Variants in CPA4 observed in about 807,000 individuals in gnomAD.
CPA4 encodes the protein carboxypeptidase A4, also known as carboxypeptidase A3.
In CPA4, 49 loss-of-function variants were observed where a neutral mutation model predicts 54.7. The observed-to-expected ratio is 0.90, with a 90% CI of 0.71 to 1.14. CPA4 has a LOEUF of 1.14. Ranked by LOEUF, CPA4 falls within the 50% of genes most tolerant of loss-of-function variation. The probability of loss-of-function intolerance (pLI) is 0.00; values close to 1 mark genes in which losing one functional copy is unlikely to be tolerated. For synonymous variants in CPA4, 215 were observed against 206.8 expected (o/e 1.04, Z -0.34); for missense variants, 487 against 525.1 (o/e 0.93, Z 0.71).
intron 1 of CPA4, among the ~76,000 whole-genome samples, chr7:130,295,297 C>A (rs1237308560): frequency 6.6e-6 from 1 of 152,200 alleles, no homozygotes; most frequent in Non-Finnish European, 1.5e-5. Flanking sequence ...TATTGACTGT[C>A]CAAAGCACAG....
In CPA4 at chr7:130,293,257, C is replaced by T; in HGVS notation, c.68+9C>T. On this transcript the variant is annotated intron_variant, in intron 1 of 10. Coordinates refer to ENST00000222482, the MANE Select transcript of CPA4 (RefSeq NM_016352.4). ...CAAGAAAAATTTTTTGGGTAAGTTC[C>T]TTTTGGACTTATTATTTGGTTATTT... is the stretch of plus-strand genomic sequence containing the variant. 6.5e-7 allele frequency: 1 copy of T among 1,535,272 alleles called. No homozygotes were observed. Among genetic ancestry groups the T allele is most frequent in the Non-Finnish European group, 9.0e-7 (1 of 1,108,602 alleles).
In CPA4 at chr7:130,312,058, G is replaced by A. The variant is rs577880214; in HGVS notation, c.1014G>A (p.Ala338=). ...CCCAGGACAAGGTGGCGAGGCTTGC[G>A]GCCAAAGCTCTGGCTTCTGTGTCGG... ...AEELDKVARL[A]AKALASVSGT... Residue 338 remains alanine (A), a synonymous_variant, in exon 10 of 11, where the codon GCG becomes GCA. Coordinates refer to ENST00000222482, the MANE Select transcript of CPA4 (RefSeq NM_016352.4). 53 of 1,614,092 alleles carry A rather than the reference G, an allele frequency of 3.3e-5. No individual in the cohort carries two copies. Among genetic ancestry groups the A allele is most frequent in the Admixed American group, 2.0e-4 (12 of 60,026 alleles).
At chr7:130,311,573 A>T (rs1383792762) in intron 9 of CPA4, among the ~76,000 whole-genome samples, 1 of 139,148 alleles carries the variant, frequency 7.2e-6, no homozygotes, top group Non-Finnish European at 1.5e-5. Context: ...GGGATCATCC[A>T]CCTATGGCGG....
chr7:130,306,182 G>T, intron 6 of CPA4: 1 of 510,658 alleles, frequency 2.0e-6, no homozygotes. Context: ...CCACTCCGCA[G>T]AAAGGGAGCA....
chr7:130,299,781 C>T lies in CPA4; in HGVS notation c.285+377C>T, dbSNP rs148935739. 51 of 193,478 alleles carry T rather than the reference C, an allele frequency of 2.6e-4. 1 individual carries two copies. The highest frequency in any genetic ancestry group is 1.1e-3 in the African/African-American group (48 of 43,922). 12.0% of individuals were successfully genotyped at this position (193,478 alleles called of 1,614,324 possible). On this transcript the variant is annotated intron_variant, in intron 3 of 10. Coordinates refer to ENST00000222482, the MANE Select transcript of CPA4 (RefSeq NM_016352.4). ...TCAGGATTAAATGTATGTAAAATGT[C>T]TAACAGTGCCTGGCATATCCTACGT...
intron 3 of CPA4, 105 bp from the exon 4 acceptor site, chr7:130,300,711 T>C: frequency 1.1e-5 from 8 of 718,894 alleles, no homozygotes; most frequent in Admixed American, 2.1e-5. Flanking sequence ...CTTGATATGC[T>C]GAAAGGGCCG....
intron 8 of CPA4, 146 bp downstream of exon 8, chr7:130,308,543 C>A (rs1793862534): frequency 3.0e-6 from 2 of 668,346 alleles, no homozygotes; most frequent in South Asian, 3.5e-5. Context: ...TCCTTAGGCT[C>A]TGACTTAGTG....
At position 130,318,977 on chromosome 7, in the gene CPA4, G is replaced by A. The variant is rs551427753; in HGVS notation, c.1079-3512G>A. On this transcript the variant is annotated intron_variant, in intron 10 of 10. Coordinates refer to ENST00000222482, the MANE Select transcript of CPA4 (RefSeq NM_016352.4). ...AACAGAGCATGGAGAAGAGATTTAA[G>A]CCCCTTTTTTCATGGTTAAGTGTAC... Among the ~76,000 whole-genome samples, 11 of 152,242 alleles carry A rather than the reference G, an allele frequency of 7.2e-5. No homozygotes were observed. In the South Asian group the frequency reaches 2.1e-3, roughly 29 times the overall value.
chr7:130,318,849 TAC>T (rs2117166633), intron 10 of CPA4, among the ~76,000 whole-genome samples: 2 of 152,334 alleles, frequency 1.3e-5, no homozygotes, highest in Admixed American at 1.3e-4. Context: ...GTGTGCTACA[TAC>T]ACAGTCGACG....
In CPA4 at chr7:130,310,687, C is replaced by T; in HGVS notation, c.794-100C>T. The T allele has an allele frequency of 1.8e-6, 2 of 1,098,260 alleles. No individual in the cohort carries two copies. The highest frequency in any genetic ancestry group is 1.4e-5 in the South Asian group (1 of 73,796). 68.0% of individuals were successfully genotyped at this position (1,098,260 alleles called of 1,614,324 possible). Reference sequence around the variant, plus strand: ...CTCTGGGCCGTCTCGCCATGGCCTGCCCATTCCCAATACCTTCGGCCCCTC... The same window carrying T: ...CTCTGGGCCGTCTCGCCATGGCCTGTCCATTCCCAATACCTTCGGCCCCTC... On this transcript the variant is annotated intron_variant, in intron 8 of 10. Transcript: ENST00000222482. The surrounding 1 kb of genome is among the most constrained non-coding windows in gnomAD (Gnocchi z 4.3).
intron 7 of CPA4, 170 bp from the exon 8 acceptor site, chr7:130,308,134 ACTC>A: frequency 1.6e-6 from 1 of 624,890 alleles, no homozygotes; most frequent in Admixed American, 2.8e-5. Context: ...AAGGGGAAAT[ACTC>A]CTCTCTCTGC....
At chr7:130,307,568 C>G (rs1249766116) in intron 7 of CPA4, among the ~76,000 whole-genome samples, 1 of 145,892 alleles carries the variant, frequency 6.9e-6, no homozygotes, top group Non-Finnish European at 1.5e-5. Context: ...GGAGGCGGAG[C>G]TTGCAGTGAG....
At position 130,305,812 on chromosome 7, in the gene CPA4, G is replaced by A. The variant is rs373418440; in HGVS notation, c.487-4G>A. The A allele has an allele frequency of 1.9e-6, 3 of 1,613,138 alleles. No homozygotes were observed. The African/African-American group carries it at 4.0e-5, about 22-fold the overall frequency. On this transcript the variant is annotated splice_polypyrimidine_tract_variant and splice_region_variant and intron_variant, in intron 5 of 10. Transcript: ENST00000222482. ...CATTTTCGAGCCTTTTCTCCCTTCT[G>A]CAGTTCAGCACTGGGAAAGGCGTGA...
intron 10 of CPA4, among the ~76,000 whole-genome samples, chr7:130,313,320 C>T (rs555802485): frequency 6.6e-6 from 1 of 152,294 alleles, no homozygotes; most frequent in East Asian, 1.9e-4. Flanking sequence ...ACCTGTGTTA[C>T]GATTTTGTTT....
rs976439373 is a variant in CPA4, at chr7:130,322,767, T to G, written c.*91T>G. The G allele has an allele frequency of 7.5e-7, 1 of 1,331,266 alleles. No homozygotes were observed. Among genetic ancestry groups the G allele is most frequent in the Non-Finnish European group, 1.0e-6 (1 of 969,554 alleles). 82.5% of individuals were successfully genotyped at this position (1,331,266 alleles called of 1,614,324 possible). On this transcript the variant is annotated 3_prime_UTR_variant, in exon 11 of 11. Coordinates refer to ENST00000222482, the MANE Select transcript of CPA4 (RefSeq NM_016352.4). ...AGGAGCTCTTTCCTACCTGTGTGAG[T>G]CAGAGCCCTCTGGGTTTGTGGAGCA...
chr7:130,300,124 T>A (rs1361094601), intron 3 of CPA4, among the ~76,000 whole-genome samples: 2 of 152,204 alleles, frequency 1.3e-5, no homozygotes, highest in African/African-American at 4.8e-5. Context: ...CACAGACATC[T>A]GCCAGGAACC....
chr7:130,302,433 G>A (rs1405400600), intron 4 of CPA4, among the ~76,000 whole-genome samples: 1 of 150,724 alleles, frequency 6.6e-6, no homozygotes. Flanking sequence ...AGGTTGCAGT[G>A]AGCCAAGATT....
At chr7:130,314,850 GGAGA>G (rs1227084554) in intron 10 of CPA4, among the ~76,000 whole-genome samples, 1 of 152,056 alleles carries the variant, frequency 6.6e-6, no homozygotes, top group African/African-American at 2.4e-5. Context: ...CGAAAGTTTG[GGAGA>G]GAAAGAGATG....
Position 130,310,279 on chromosome 7 carries a change from C to T in CPA4, c.794-508C>T, listed in dbSNP as rs1793891394. 6.6e-6 allele frequency among the ~76,000 whole-genome samples: 1 copy of T among 152,280 alleles called. No individual in the cohort carries two copies. Among genetic ancestry groups the T allele is most frequent in the East Asian group, 1.9e-4 (1 of 5,174 alleles). ...ACACGTATGCACGTGTGCACACACA[C>T]ACCCTAGAAACCCGAGGGAACTATA... is the stretch of plus-strand genomic sequence containing the variant. On this transcript the variant is annotated intron_variant, in intron 8 of 10. Coordinates refer to ENST00000222482, the MANE Select transcript of CPA4 (RefSeq NM_016352.4). The surrounding 1 kb of genome is among the most constrained non-coding windows in gnomAD (Gnocchi z 4.3).
Sources: allele counts gnomAD v4.1 joint callset (sites outside exome capture counted in the v4.1 genomes callset), GRCh38; gene constraint gnomAD v4.1.1; non-coding constraint Gnocchi (gnomAD v3.1); transcripts MANE v1.5; gene names NCBI Gene and HGNC (gene_info 2026-07-23, HGNC 2026-07-21).